The following CBLB variants were observed in gnomAD, a reference collection of about 807,000 sequenced individuals.
The protein encoded by CBLB is Cbl proto-oncogene B.
Under a neutral mutation model 104.9 loss-of-function variants are expected in CBLB, and 31 were observed. The ratio of observed to expected loss-of-function variants is 0.30; its 90% CI spans 0.22 to 0.40. CBLB has a LOEUF of 0.40. Ranked by LOEUF, CBLB falls within the 10% of genes least tolerant of loss-of-function variation. The pLI is 1.00. For missense variants in CBLB, 1,062 were observed against 1,214.6 expected (o/e 0.87, Z 1.87); for synonymous variants, 440 against 422.6 (o/e 1.04, Z -0.51).
At position 105,831,770 on chromosome 3, in the gene CBLB, A is replaced by G. The variant is rs550063188; in HGVS notation, c.419+21644T>C. ...CCCTGAAAATATGTAGAATCAAAAGAAAAACTTTTCAGGAAGGCAAAGCAA... is the reference window on the plus strand; with the variant it reads ...CCCTGAAAATATGTAGAATCAAAAGGAAAACTTTTCAGGAAGGCAAAGCAA... On this transcript the variant is annotated intron_variant, in intron 3 of 18. Transcript: ENST00000394030. Among the ~76,000 whole-genome samples the G allele has an allele frequency of 4.6e-5, 7 of 152,360 alleles. No individual in the cohort carries two copies. In the South Asian group the frequency reaches 1.2e-3, roughly 27 times the overall value.
rs1042029135 is a variant in CBLB, at chr3:105,743,963, A to T, written c.845+1954T>A. On this transcript the variant is annotated intron_variant, in intron 6 of 18. Transcript: ENST00000394030. ...GAAAGAAGGATTTTTTTCTCAGAGGACATTATTCTAGTTTTTTAAGGTATG... is the reference window on the plus strand; with the variant it reads ...GAAAGAAGGATTTTTTTCTCAGAGGTCATTATTCTAGTTTTTTAAGGTATG... 2.0e-5 allele frequency among the ~76,000 whole-genome samples: 3 copies of T among 152,086 alleles called. No individual in the cohort carries two copies. In the East Asian group the frequency reaches 5.8e-4, roughly 29 times the overall value.
chr3:105,714,131 G>A (rs912036103), intron 10 of CBLB, among the ~76,000 whole-genome samples: 13 of 152,050 alleles, frequency 8.5e-5, no homozygotes, highest in East Asian at 1.9e-4. Context: ...AATAGACAAC[G>A]TAAAAAGGCA....
chr3:105,799,194 A>AC (rs397741873), intron 3 of CBLB, among the ~76,000 whole-genome samples: 1 of 151,080 alleles, frequency 6.6e-6, no homozygotes, highest in African/African-American at 2.4e-5. Context: ...AAAAAAAAAA[A>AC]GAAATCCCTG....
intron 2 of CBLB, among the ~76,000 whole-genome samples, chr3:105,865,222 C>A (rs9841500): frequency 6.6e-6 from 1 of 151,954 alleles, no homozygotes; most frequent in Non-Finnish European, 1.5e-5. Flanking sequence ...TTCTGTACTA[C>A]ACACTTATAT....
chr3:105,847,767 GC>G (rs2090462873), intron 3 of CBLB, among the ~76,000 whole-genome samples: 1 of 152,178 alleles, frequency 6.6e-6, no homozygotes, highest in South Asian at 2.1e-4. Flanking sequence ...ACCAGACCTT[GC>G]AGAGCAGCTG....
chr3:105,783,817 G>A (rs1221045251), intron 3 of CBLB, among the ~76,000 whole-genome samples: 1 of 152,200 alleles, frequency 6.6e-6, no homozygotes, highest in Non-Finnish European at 1.5e-5. Flanking sequence ...AATTAGGCCA[G>A]GAATTGGACA....
chr3:105,724,567 T>C (rs1185591141), intron 9 of CBLB, among the ~76,000 whole-genome samples: 2 of 152,158 alleles, frequency 1.3e-5, no homozygotes, highest in Admixed American at 6.5e-5. Context: ...AAAATTCCAG[T>C]TGGCATAATT....
chr3:105,732,829 G>A (rs2074462652), intron 9 of CBLB, among the ~76,000 whole-genome samples: 1 of 152,128 alleles, frequency 6.6e-6, no homozygotes, highest in African/African-American at 2.4e-5. Context: ...AGGACTGAGA[G>A]GGCTTAGAAA....
rs1286172827 is a variant in CBLB at position 105,791,706 on chromosome 3, G to A, written c.420-15164C>T. Among the ~76,000 whole-genome samples, 57 of 152,096 alleles carry A rather than the reference G, an allele frequency of 3.7e-4. 2 individuals carry two copies. Among genetic ancestry groups the A allele is most frequent in the Admixed American group, 3.7e-3 (57 of 15,274 alleles). ...AGATAAATTTCCTGTGTCAAAATTTGTCACAAAAATCTGTTTTCCAGACAT... is the reference window on the plus strand; with the variant it reads ...AGATAAATTTCCTGTGTCAAAATTTATCACAAAAATCTGTTTTCCAGACAT... On this transcript the variant is annotated intron_variant, in intron 3 of 18. Transcript: ENST00000394030.
chr3:105,819,879 T>C (rs1230482458), intron 3 of CBLB, among the ~76,000 whole-genome samples: 1 of 152,166 alleles, frequency 6.6e-6, no homozygotes, highest in East Asian at 1.9e-4. Flanking sequence ...CCCAACTATT[T>C]TGGCACCAGA....
chr3:105,824,778 C>T (rs893525186), intron 3 of CBLB, among the ~76,000 whole-genome samples: 6 of 152,084 alleles, frequency 3.9e-5, no homozygotes, highest in African/African-American at 1.2e-4. Context: ...AGGGCATTCA[C>T]GAAAGGGGAG....
intron 3 of CBLB, among the ~76,000 whole-genome samples, chr3:105,784,967 G>A (rs1474989252): frequency 1.3e-5 from 2 of 152,074 alleles, no homozygotes; most frequent in African/African-American, 4.8e-5. Context: ...ATTCTCAAAT[G>A]CACCAGCTTT....
At chr3:105,777,393 T>C (rs1296041447) in intron 3 of CBLB, among the ~76,000 whole-genome samples, 3 of 152,326 alleles carry the variant, frequency 2.0e-5, no homozygotes, top group South Asian at 2.1e-4. Context: ...TCCTACCACA[T>C]TGGGAGGCTG....
chr3:105,728,226 C>T (rs1040641138), intron 9 of CBLB, among the ~76,000 whole-genome samples: 2 of 152,050 alleles, frequency 1.3e-5, no homozygotes, highest in African/African-American at 4.8e-5. Context: ...GTCGTCTCAG[C>T]CCAAAATCTC....
chr3:105,745,813 C>T, intron 6 of CBLB, 104 bp downstream of exon 6: 1 of 1,056,360 alleles, frequency 9.5e-7, no homozygotes, highest in South Asian at 1.3e-5. Context: ...TAGCCCCCTC[C>T]CAAGCATGCC....
intron 10 of CBLB, among the ~76,000 whole-genome samples, chr3:105,708,618 AT>A (rs2070584622): frequency 6.6e-6 from 1 of 152,012 alleles, no homozygotes; most frequent in African/African-American, 2.4e-5. Flanking sequence ...CTATATTTAA[AT>A]TTCCTATATT....
intron 2 of CBLB, among the ~76,000 whole-genome samples, chr3:105,866,726 T>C (rs181576951): frequency 6.6e-6 from 1 of 152,340 alleles, no homozygotes; most frequent in African/African-American, 2.4e-5. Context: ...TGTGAAATTA[T>C]AGTTTGTCTG....
chr3:105,714,987 C>T (rs1218126678), intron 10 of CBLB, among the ~76,000 whole-genome samples: 1 of 152,206 alleles, frequency 6.6e-6, no homozygotes, highest in African/African-American at 2.4e-5. Context: ...AATCTGGGCT[C>T]ATTCACTAGT....
chr3:105,866,819 A>T lies in CBLB; in HGVS notation c.168+591T>A, dbSNP rs556104996. Among the ~76,000 whole-genome samples, 6 of 152,310 alleles carry T rather than the reference A, an allele frequency of 3.9e-5. No individual in the cohort carries two copies. The East Asian group carries it at 1.2e-3, about 29-fold the overall frequency. ...CATAAATTTTCCTTTCACAATAAACAATGTGCCATCGAAAGGTTTCCTGTT... is the reference window on the plus strand; with the variant it reads ...CATAAATTTTCCTTTCACAATAAACTATGTGCCATCGAAAGGTTTCCTGTT... On this transcript the variant is annotated intron_variant, in intron 2 of 18. Coordinates refer to ENST00000394030, the MANE Select transcript of CBLB (RefSeq NM_170662.5).
Sources: gnomAD v4.1 joint callset for allele counts (sites outside exome capture counted in the v4.1 genomes callset) on GRCh38, gnomAD v4.1.1 for gene constraint, MANE v1.5 for transcripts, NCBI Gene and HGNC (gene_info 2026-07-23, HGNC 2026-07-21) for gene names.